BAHCC1: variants seen among roughly 807,000 people sequenced by gnomAD.
BAHCC1 encodes BAH and coiled-coil domain-containing protein 1.
Under a neutral mutation model 88.2 loss-of-function variants are expected in BAHCC1, and 43 were observed. The ratio of observed to expected loss-of-function variants is 0.49; its 90% CI spans 0.38 to 0.63. BAHCC1 has a LOEUF of 0.63. BAHCC1 is among the 20% of genes least tolerant of loss of function. The pLI is 0.00. For missense variants in BAHCC1, 3,023 were observed against 1,654.8 expected (o/e 1.83, Z -14.34); for synonymous variants, 1,510 against 745.5 (o/e 2.03, Z -16.71).
Position 81,426,942 on chromosome 17 carries a change from C to T in BAHCC1, c.321C>T (p.Pro107=). The change falls in exon 3 of 28, where the codon CCC becomes CCT. Residue 107 remains proline (P), a synonymous_variant. Transcript: ENST00000675386. The part of the protein sequence containing the change: ...PPEQAYRGSH[P]TTSQIWFSHS... ...AGCAGGCCTACCGTGGCTCCCACCCCACCACCTCCCAGATCTGGTTCTCCC... is the reference window on the plus strand; with the variant it reads ...AGCAGGCCTACCGTGGCTCCCACCCTACCACCTCCCAGATCTGGTTCTCCC... 3 of 398,758 alleles carry T rather than the reference C, an allele frequency of 7.5e-6. No individual in the cohort carries two copies. The highest frequency in any genetic ancestry group is 1.3e-5 in the Non-Finnish European group (3 of 226,164). 24.7% of individuals were successfully genotyped at this position (398,758 alleles called of 1,614,324 possible).
At chr17:81,421,998 T>G in intron 2 of BAHCC1, 1 of 355,352 alleles carries the variant, frequency 2.8e-6, no homozygotes, top group Non-Finnish European at 5.5e-6. Context: ...CTCGGGTGAC[T>G]CCGCTTCCTC....
At chr17:81,436,237 T>C (rs9905863) in intron 3 of BAHCC1, among the ~76,000 whole-genome samples, 21,303 of 152,186 alleles carry the variant, frequency 0.14, 2,213 homozygotes, top group African/African-American at 0.3. Context: ...CCCTGGCCAG[T>C]GCTGCCCTGC....
intron 14 of BAHCC1, among the ~76,000 whole-genome samples, chr17:81,453,851 T>C (rs1555656562): frequency 6.6e-6 from 1 of 152,266 alleles, no homozygotes; most frequent in African/African-American, 2.4e-5. Context: ...GCAGAGGCAG[T>C]TGGCCCCGGG....
chr17:81,456,045 GCCT>G (rs1160430944), intron 15 of BAHCC1: 129 of 513,022 alleles, frequency 2.5e-4, no homozygotes, highest in African/African-American at 2.5e-3. Context: ...TGGGCCCTCA[GCCT>G]CCTCCATGTC....
At chr17:81,395,764 GTA>G (rs2063740492) in intron 1 of BAHCC1, 129 bp downstream of exon 1, 1 of 148,972 alleles carries the variant, frequency 6.7e-6, no homozygotes, top group African/African-American at 2.5e-5. Context: ...ATGTTAAGAA[GTA>G]TATATCTTCC....
Position 81,399,750 on chromosome 17 carries a change from G to A in BAHCC1, c.11G>A (p.Arg4His), listed in dbSNP as rs1344183611. MDG[R>H]DFAPPPHLLS... Reference sequence around the variant, plus strand: ...GGGCCGGGGCCCGGCATGGATGGCCGCGACTTTGCGCCGCCGCCGCATCTG... The same window carrying A: ...GGGCCGGGGCCCGGCATGGATGGCCACGACTTTGCGCCGCCGCCGCATCTG... Residue 4 changes from arginine to histidine, a missense_variant, in exon 2 of 28, where the codon CGC (arginine) becomes CAC (histidine). By Grantham distance (29) the Arg-to-His change is conservative (BLOSUM62 0). Coordinates refer to ENST00000675386, the MANE Select transcript of BAHCC1 (RefSeq NM_001377448.1). This position sits in a 1 kb window ranked among gnomAD's most constrained non-coding sequence, Gnocchi z 4.5. The A allele has an allele frequency of 5.1e-6, 6 of 1,167,238 alleles. No individual in the cohort carries two copies. The highest frequency in any genetic ancestry group is 6.3e-6 in the Non-Finnish European group (6 of 947,908). 72.3% of individuals were successfully genotyped at this position (1,167,238 alleles called of 1,614,324 possible).
At chr17:81,395,856 G>C (rs1298998230) in intron 1 of BAHCC1, 1 of 146,808 alleles carries the variant, frequency 6.8e-6, no homozygotes, top group Non-Finnish European at 1.5e-5. Context: ...TTTTTTCTCT[G>C]AAAAATCTTA....
intron 25 of BAHCC1, 70 bp from the exon 26 acceptor site, chr17:81,460,796 C>CAGGCAGGGTCT: frequency 1.3e-6 from 1 of 770,314 alleles, no homozygotes; most frequent in South Asian, 1.3e-5. Flanking sequence ...AGGCAGGGTC[C>CAGGCAGGGTCT]GGGGAGGGGC....
chr17:81,458,764 C>T (rs782194055), intron 19 of BAHCC1, 39 bp downstream of exon 19: 2 of 750,414 alleles, frequency 2.7e-6, no homozygotes, highest in Non-Finnish European at 5.0e-6. Flanking sequence ...TGTGCACCCA[C>T]CTGCACCCCG....
At chr17:81,429,013 C>T (rs1215872820) in intron 3 of BAHCC1, among the ~76,000 whole-genome samples, 1 of 152,222 alleles carries the variant, frequency 6.6e-6, no homozygotes, top group African/African-American at 2.4e-5. Context: ...GAGGAGAGGA[C>T]AGTGCCCACA....
rs1568037223 is a variant in BAHCC1 at position 81,460,383 on chromosome 17, C to T, written c.6012C>T (p.Asp2004=). 1.3e-6 allele frequency: 1 copy of T among 766,724 alleles called. No individual in the cohort carries two copies. The highest frequency in any genetic ancestry group is 1.8e-5 in the Admixed American group (1 of 57,134). The allele number at this position is 766,724 out of a possible 1,614,324, so 47.5% of individuals were successfully genotyped here. A position where few individuals can be genotyped will look rare whatever the true frequency, so the allele number is the denominator to read the frequency against. ...CCAACGTCAGGCTGCTGCCCCCTGA[C>T]TTCAAGATCCAGTGTGAGCCTGGGA... is the stretch of plus-strand genomic sequence containing the variant. ...AVSNVRLLPP[D]FKIQCTEPSP... Residue 2004 remains aspartate, a synonymous_variant, in exon 24 of 28, where the codon GAC becomes GAT. Transcript: ENST00000675386.
chr17:81,459,124 C>A lies in BAHCC1; in HGVS notation c.5676C>A (p.Ser1892Arg), dbSNP rs782197009. ...GLPVLIPKED[S>R]LLYAGSVRTL... is the part of the protein sequence containing the mutation. Reference sequence around the variant, plus strand: ...CCGTGCTCATCCCCAAGGAGGATAGCCTGCTGTACGCGGGCAGCGTCAGGA... The same window carrying A: ...CCGTGCTCATCCCCAAGGAGGATAGACTGCTGTACGCGGGCAGCGTCAGGA... Residue 1892 changes from serine (S) to arginine (R), a missense_variant, in exon 21 of 28, where the codon AGC (serine) becomes AGA (arginine). Coordinates refer to ENST00000675386, the MANE Select transcript of BAHCC1 (RefSeq NM_001377448.1). 1.3e-6 allele frequency: 1 copy of A among 772,098 alleles called. No homozygotes were observed. Among genetic ancestry groups the A allele is most frequent in the African/African-American group, 1.7e-5 (1 of 59,102 alleles). 47.8% of individuals were successfully genotyped at this position (772,098 alleles called of 1,614,324 possible). A position where few individuals can be genotyped will look rare whatever the true frequency, so the allele number is the denominator to read the frequency against.
At chr17:81,422,785 C>A in intron 2 of BAHCC1, 1 of 443,780 alleles carries the variant, frequency 2.3e-6, no homozygotes, top group East Asian at 7.9e-5. Flanking sequence ...GACTTAGTTG[C>A]TTCCCACCAT....
intron 13 of BAHCC1, among the ~76,000 whole-genome samples, 161 bp downstream of exon 13, chr17:81,452,268 G>GT (rs2064653529): frequency 6.6e-6 from 1 of 152,322 alleles, no homozygotes; most frequent in Non-Finnish European, 1.5e-5. Flanking sequence ...CCCAGAGGCA[G>GT]TGGGGCCCAA....
chr17:81,414,650 G>A (rs1313502065), intron 2 of BAHCC1, among the ~76,000 whole-genome samples: 1 of 152,214 alleles, frequency 6.6e-6, no homozygotes, highest in Non-Finnish European at 1.5e-5. Flanking sequence ...GTGTCGTGAG[G>A]ACGTGGGTCC....
At position 81,462,904 on chromosome 17, in the gene BAHCC1, C is replaced by T; in HGVS notation, c.7548C>T (p.Asn2516=). ...GCATGTGGGAGTCGTGGGGCAGCAA[C>T]ATGGTGGTCAAGGTCAAGTGGTTCT... ...IESMWESWGS[N]MVVKVKWFYH... Residue 2516 remains asparagine, a synonymous_variant, in exon 27 of 28, where the codon AAC becomes AAT. Transcript: ENST00000675386. The T allele has an allele frequency of 1.3e-6, 1 of 786,160 alleles. No homozygotes were observed. The highest frequency in any genetic ancestry group is 2.4e-6 in the Non-Finnish European group (1 of 423,078). 48.7% of individuals were successfully genotyped at this position (786,160 alleles called of 1,614,324 possible). A position where few individuals can be genotyped will look rare whatever the true frequency, so the allele number is the denominator to read the frequency against.
intron 4 of BAHCC1, among the ~76,000 whole-genome samples, chr17:81,439,695 G>A (rs1474247849): frequency 6.6e-6 from 1 of 151,898 alleles, no homozygotes; most frequent in Non-Finnish European, 1.5e-5. Context: ...GGCGTTTAGG[G>A]CTGGAGCTCA....
intron 2 of BAHCC1, among the ~76,000 whole-genome samples, chr17:81,419,157 A>G (rs1375490650): frequency 6.6e-6 from 1 of 152,162 alleles, no homozygotes; most frequent in African/African-American, 2.4e-5. Flanking sequence ...CTGGGGTGGC[A>G]TGTGGCTGGG....
chr17:81,456,532 G>A lies in BAHCC1; in HGVS notation c.4805G>A (p.Arg1602Gln), dbSNP rs781853812. The A allele has an allele frequency of 2.2e-5, 16 of 715,150 alleles. No homozygotes were observed. Among genetic ancestry groups the A allele is most frequent in the Admixed American group, 1.2e-4 (6 of 49,648 alleles). The allele number at this position is 715,150 out of a possible 1,614,324, so 44.3% of individuals were successfully genotyped here. A position where few individuals can be genotyped will look rare whatever the true frequency, so the allele number is the denominator to read the frequency against. Residue 1602 changes from arginine to glutamine, a missense_variant, in exon 16 of 28, where the codon CGG becomes CAG. Arg to Gln is a conservative substitution (Grantham distance 43). Transcript: ENST00000675386. ...CCACAGCCCAAGGGCCACGGCAGCC[G>A]GGAGACACCCAGGTGCCCAGCCCAG... The part of the protein sequence containing the change: ...RHPQPKGHGS[R>Q]ETPRCPAQPS...
Sources: gnomAD v4.1 joint callset for allele counts (sites outside exome capture counted in the v4.1 genomes callset) on GRCh38, gnomAD v4.1.1 for gene constraint, Gnocchi (gnomAD v3.1) non-coding constraint, MANE v1.5 for transcripts, NCBI Gene and HGNC (gene_info 2026-07-23, HGNC 2026-07-21) for gene names.